Variants in SSH2 observed in about 807,000 individuals in gnomAD.
SSH2 encodes the protein slingshot protein phosphatase 2.
In SSH2, 37 loss-of-function variants were observed where a neutral mutation model predicts 135.2. That is an observed-to-expected ratio of 0.27 (90% confidence interval 0.21 to 0.36). The LOEUF is 0.36. Among genes scored for constraint, SSH2 ranks in the 10% least tolerant of loss-of-function variants. SSH2 has a pLI of 1.00. For synonymous variants in SSH2, 628 were observed against 646.2 expected, an observed-to-expected ratio of 0.97 and a Z score of 0.43; for missense variants, 1,408 against 1,765.3, an observed-to-expected ratio of 0.80 and a Z score of 3.63.
At chr17:29,767,700 C>T (rs1446377881) in intron 3 of SSH2, among the ~76,000 whole-genome samples, 1 of 151,720 alleles carries the variant, frequency 6.6e-6, no homozygotes, top group African/African-American at 2.4e-5. Flanking sequence ...TATCACTATA[C>T]CTTAGACATT....
At chr17:29,708,480 C>T (rs1004026620) in intron 3 of SSH2, among the ~76,000 whole-genome samples, 2 of 151,516 alleles carry the variant, frequency 1.3e-5, no homozygotes, top group Middle Eastern at 3.4e-3. Context: ...ATCCCAGCTG[C>T]TAGGGAGGCT....
chr17:29,716,610 A>G lies in SSH2; in HGVS notation c.189-13548T>C. The G allele has an allele frequency of 1.0e-5, 7 of 679,708 alleles. No individual in the cohort carries two copies. The Admixed American group carries it at 1.2e-4, about 12-fold the overall frequency. 42.1% of individuals were successfully genotyped at this position (679,708 alleles called of 1,614,324 possible). ...TTATAGATTCGCATATGCATGGCCA[A>G]AGGAACAACTCCATCTTTTCTAAAA... On this transcript the variant is annotated intron_variant, in intron 3 of 15. Transcript: ENST00000540801.
chr17:29,815,142 T>C (rs2042533563), intron 2 of SSH2, among the ~76,000 whole-genome samples: 1 of 137,288 alleles, frequency 7.3e-6, no homozygotes, highest in Non-Finnish European at 1.6e-5. Context: ...TTTTTTTTTT[T>C]TGAGACAGAG....
At chr17:29,733,910 C>CT (rs200752788) in intron 3 of SSH2, among the ~76,000 whole-genome samples, 6,949 of 130,476 alleles carry the variant, frequency 0.053, 311 homozygotes, top group African/African-American at 0.11. Context: ...TAATTTCTTT[C>CT]TTTTTTTTTT....
intron 1 of SSH2, among the ~76,000 whole-genome samples, chr17:29,906,344 C>T (rs1242916081): frequency 1.3e-5 from 2 of 152,180 alleles, no homozygotes; most frequent in Non-Finnish European, 2.9e-5. Flanking sequence ...CTTCCTTACA[C>T]CACATGCAAA....
At chr17:29,637,223 C>T (rs984913848) in intron 14 of SSH2, among the ~76,000 whole-genome samples, 3 of 152,112 alleles carry the variant, frequency 2.0e-5, no homozygotes, top group African/African-American at 4.8e-5. Context: ...CTCAGCCTCC[C>T]GAGTAGCTGG....
intron 3 of SSH2, among the ~76,000 whole-genome samples, chr17:29,779,810 C>CAAAAAAAAAAAAAAAAAAAA (rs56789691): frequency 5.1e-5 from 1 of 19,610 alleles, no homozygotes; most frequent in Non-Finnish European, 8.6e-5. Flanking sequence ...GACTCTGTCT[C>CAAAAAAAAAAAAAAAAAAAA]AAAAAAAAAA....
At chr17:29,901,710 C>A (rs2066557720) in intron 1 of SSH2, among the ~76,000 whole-genome samples, 1 of 151,584 alleles carries the variant, frequency 6.6e-6, no homozygotes, top group Non-Finnish European at 1.5e-5. Context: ...CTTCCTCCCT[C>A]CCTCCTTCCT....
intron 2 of SSH2, among the ~76,000 whole-genome samples, chr17:29,824,348 T>C (rs557608218): frequency 2.0e-5 from 3 of 152,342 alleles, no homozygotes; most frequent in Admixed American, 6.5e-5. Context: ...CAGGCTAATA[T>C]GGCATCACGA....
intron 2 of SSH2, among the ~76,000 whole-genome samples, chr17:29,824,044 T>C (rs2042701378): frequency 6.6e-6 from 1 of 152,146 alleles, no homozygotes; most frequent in Non-Finnish European, 1.5e-5. Flanking sequence ...CAACTGAGCT[T>C]CAACTATGTA....
chr17:29,689,204 G>A (rs1257674474), intron 5 of SSH2, among the ~76,000 whole-genome samples: 1 of 152,016 alleles, frequency 6.6e-6, no homozygotes, highest in Non-Finnish European at 1.5e-5. Flanking sequence ...CTAGGTTAAG[G>A]AATTAAAAAT....
At chr17:29,877,694 A>T (rs551371708) in intron 1 of SSH2, among the ~76,000 whole-genome samples, 1 of 152,154 alleles carries the variant, frequency 6.6e-6, no homozygotes, top group East Asian at 1.9e-4. Context: ...TCATGGAGAT[A>T]GAGAAGGATG....
At chr17:29,735,507 C>T (rs907769477) in intron 3 of SSH2, among the ~76,000 whole-genome samples, 12 of 151,236 alleles carry the variant, frequency 7.9e-5, no homozygotes, top group African/African-American at 2.9e-4. Context: ...GACCAGCCTG[C>T]CCAACATGGT....
At chr17:29,695,317 T>G (rs1027992228) in intron 5 of SSH2, 142 bp downstream of exon 5, 4 of 567,104 alleles carry the variant, frequency 7.1e-6, no homozygotes, top group Non-Finnish European at 1.2e-5. Context: ...ACCATCAAAT[T>G]ATTTCACAAC....
chr17:29,777,366 ATTAT>A (rs1340399703), intron 3 of SSH2, among the ~76,000 whole-genome samples: 1 of 152,202 alleles, frequency 6.6e-6, no homozygotes, highest in Non-Finnish European at 1.5e-5. Context: ...ATTATTGAGA[ATTAT>A]TTATTTTGCT....
intron 11 of SSH2, 132 bp from the exon 12 acceptor site, chr17:29,655,739 C>T: frequency 1.4e-6 from 1 of 721,998 alleles, no homozygotes; most frequent in South Asian, 1.6e-5. Context: ...AGTTGCCAGG[C>T]ACTTCATATG....
intron 3 of SSH2, among the ~76,000 whole-genome samples, chr17:29,762,266 A>G (rs1198900186): frequency 3.3e-5 from 5 of 152,180 alleles, no homozygotes; most frequent in Non-Finnish European, 7.3e-5. Context: ...TAATGTTTGT[A>G]AGTAAATCTA....
chr17:29,921,057 TA>T (rs1306197961), intron 1 of SSH2, among the ~76,000 whole-genome samples: 4 of 152,128 alleles, frequency 2.6e-5, no homozygotes, highest in African/African-American at 9.7e-5. Flanking sequence ...CATATAATAG[TA>T]AATATTTGAA....
At chr17:29,913,355 TATATATATATATA>T (rs1567650088) in intron 1 of SSH2, among the ~76,000 whole-genome samples, 1 of 41,694 alleles carries the variant, frequency 2.4e-5, no homozygotes, top group Non-Finnish European at 4.6e-5. Flanking sequence ...AAAATATATA[TATATATATATATA>T]TATATATATA....
Sources: gnomAD v4.1 joint callset for allele counts (sites outside exome capture counted in the v4.1 genomes callset) on GRCh38, gnomAD v4.1.1 for gene constraint, MANE v1.5 for transcripts, NCBI Gene and HGNC (gene_info 2026-07-23, HGNC 2026-07-21) for gene names.